The following PCCB variants were observed in gnomAD, a reference collection of about 807,000 sequenced individuals.
The protein encoded by PCCB is propionyl-CoA carboxylase subunit beta.
Under a neutral mutation model 60.7 loss-of-function variants are expected in PCCB, and 43 were observed. The ratio of observed to expected loss-of-function variants is 0.71; its 90% CI spans 0.55 to 0.91. PCCB has a LOEUF of 0.91. Ranked by LOEUF, PCCB falls within the 40% of genes least tolerant of loss-of-function variation. PCCB has a pLI of 0.00. For missense variants in PCCB, 766 were observed against 702.8 expected (o/e 1.09, Z -1.02); for synonymous variants, 276 against 255.9 (o/e 1.08, Z -0.75).
At chr3:136,251,152 G>A in intron 1 of PCCB, 1 of 451,988 alleles carries the variant, frequency 2.2e-6, no homozygotes, top group South Asian at 1.6e-5. Flanking sequence ...GTCGGAAGCA[G>A]GTGGCCTTTC....
intron 10 of PCCB, among the ~76,000 whole-genome samples, chr3:136,321,399 T>G (rs1160605921): frequency 6.6e-6 from 1 of 152,226 alleles, no homozygotes; most frequent in Non-Finnish European, 1.5e-5. Flanking sequence ...GCCTGGGTAT[T>G]CTATAAAGGA....
At position 136,267,673 on chromosome 3, in the gene PCCB, G is replaced by A. The variant is rs1942042340; in HGVS notation, c.543+5608G>A. Reference sequence around the variant, plus strand: ...CAATTTTTTTTCATTATTTGTAGAGGTGAGGGTCCCACTATGTTGCCCAGG... The same window carrying A: ...CAATTTTTTTTCATTATTTGTAGAGATGAGGGTCCCACTATGTTGCCCAGG... On this transcript the variant is annotated intron_variant, in intron 5 of 14. Coordinates refer to ENST00000251654, the MANE Select transcript of PCCB (RefSeq NM_000532.5). Among the ~76,000 whole-genome samples the A allele has an allele frequency of 2.6e-5, 4 of 152,116 alleles. No homozygotes were observed. In the South Asian group the frequency reaches 8.3e-4, roughly 31 times the overall value.
intron 10 of PCCB, among the ~76,000 whole-genome samples, chr3:136,321,854 ATAT>A (rs1272046632): frequency 1.3e-5 from 2 of 152,224 alleles, no homozygotes; most frequent in African/African-American, 4.8e-5. Context: ...CAACCTTGCT[ATAT>A]TATTAGTTCC....
At chr3:136,276,631 T>C (rs1427129887) in intron 5 of PCCB, among the ~76,000 whole-genome samples, 1 of 152,178 alleles carries the variant, frequency 6.6e-6, no homozygotes, top group Admixed American at 6.5e-5. Context: ...CACTCTGTAG[T>C]GTTCCAGGAA....
intron 9 of PCCB, among the ~76,000 whole-genome samples, chr3:136,307,734 G>C (rs989037061): frequency 6.6e-6 from 1 of 152,098 alleles, no homozygotes; most frequent in Non-Finnish European, 1.5e-5. Context: ...CCAGTACTTT[G>C]GGAGGCTGAG....
In PCCB at chr3:136,268,103, T is replaced by TAC. The variant is rs1361776081; in HGVS notation, c.543+6039_543+6040insCA. Among the ~76,000 whole-genome samples, 65 of 125,530 alleles carry TAC rather than the reference T, an allele frequency of 5.2e-4. 3 individuals carry two copies. Among genetic ancestry groups the TAC allele is most frequent in the South Asian group, 2.3e-4 (1 of 4,262 alleles). 82.4% of individuals were successfully genotyped at this position (125,530 alleles called of 152,430 possible). A position where few individuals can be genotyped will look rare whatever the true frequency, so the allele number is the denominator to read the frequency against. ...GTGTGTGTAGATATATATATATATA[T>TAC]ATATATATATATATATATGTATATA... is the stretch of plus-strand genomic sequence containing the variant. On this transcript the variant is annotated intron_variant, in intron 5 of 14. Transcript: ENST00000251654.
intron 8 of PCCB, among the ~76,000 whole-genome samples, chr3:136,299,546 GTATGCATGTGTATGTATGTA>G (rs1934120448): frequency 1.1e-5 from 1 of 88,464 alleles, no homozygotes; most frequent in Admixed American, 9.5e-5. Context: ...ATGTGTATAG[GTATGCATGTGTATGTATGTA>G]TATGCATGTG....
At chr3:136,290,124 T>C (rs982516264) in intron 6 of PCCB, among the ~76,000 whole-genome samples, 2 of 152,252 alleles carry the variant, frequency 1.3e-5, no homozygotes, top group Non-Finnish European at 2.9e-5. Flanking sequence ...ATGCTCTTTC[T>C]TTCTTTATGT....
chr3:136,290,001 A>C (rs1361978958), intron 6 of PCCB, among the ~76,000 whole-genome samples: 3 of 152,210 alleles, frequency 2.0e-5, no homozygotes, highest in Non-Finnish European at 4.4e-5. Context: ...AAGGCTGAGA[A>C]GCGATGTGCA....
intron 5 of PCCB, among the ~76,000 whole-genome samples, chr3:136,271,892 A>G (rs1454241792): frequency 1.3e-5 from 2 of 152,150 alleles, no homozygotes; most frequent in Non-Finnish European, 2.9e-5. Flanking sequence ...GACTTCCAGT[A>G]CTATGTTGAA....
chr3:136,322,222 T>C (rs1935135385), intron 10 of PCCB, among the ~76,000 whole-genome samples: 1 of 152,224 alleles, frequency 6.6e-6, no homozygotes, highest in South Asian at 2.1e-4. Context: ...TATGATCATG[T>C]GATTTTTCTT....
At chr3:136,252,921 TA>T (rs569109170) in intron 1 of PCCB, among the ~76,000 whole-genome samples, 2 of 141,152 alleles carry the variant, frequency 1.4e-5, no homozygotes, top group African/African-American at 5.2e-5. Flanking sequence ...TTTTTTTTTT[TA>T]AATGCAACCT....
intron 5 of PCCB, among the ~76,000 whole-genome samples, chr3:136,275,864 G>A (rs1942320139): frequency 6.6e-6 from 1 of 152,114 alleles, no homozygotes; most frequent in African/African-American, 2.4e-5. Context: ...TCCACTTCCC[G>A]GGTTCAAGTG....
At position 136,250,557 on chromosome 3, in the gene PCCB, G is replaced by C. The variant is rs909550005; in HGVS notation, c.182G>C (p.Arg61Pro). The change falls in exon 1 of 15, where the codon CGA (arginine) becomes CCA (proline). Residue 61 changes from arginine to proline, a missense_variant and splice_region_variant. Arg to Pro is a moderately radical substitution (Grantham distance 103). Coordinates refer to ENST00000251654, the MANE Select transcript of PCCB (RefSeq NM_000532.5). ...CGCCGTATTGACGCGCAGCACAAGC[G>C]AGTGAGTCCTGAGGGGCCTAAGTGA... ...GQRRIDAQHKRGKLTARERIS... is the reference protein window; with the variant it reads ...GQRRIDAQHKPGKLTARERIS... 1 of 1,611,500 alleles carries C rather than the reference G, an allele frequency of 6.2e-7. No individual in the cohort carries two copies. Among genetic ancestry groups the C allele is most frequent in the African/African-American group, 1.3e-5 (1 of 74,918 alleles).
intron 1 of PCCB, 59 bp from the exon 2 acceptor site, chr3:136,255,797 T>C: frequency 6.6e-7 from 1 of 1,508,558 alleles, no homozygotes; most frequent in Non-Finnish European, 9.2e-7. Context: ...GAACAGCCCT[T>C]GCTTTGCTTA....
intron 4 of PCCB, among the ~76,000 whole-genome samples, chr3:136,261,049 T>C (rs1941807939): frequency 6.6e-6 from 1 of 152,192 alleles, no homozygotes; most frequent in Non-Finnish European, 1.5e-5. Context: ...TTAGTAAAGA[T>C]AAAGATGTAA....
chr3:136,313,441 C>T (rs1333887405), intron 9 of PCCB, among the ~76,000 whole-genome samples: 2 of 152,066 alleles, frequency 1.3e-5, no homozygotes, highest in East Asian at 1.9e-4. Context: ...AAGTGATTCC[C>T]AGGACATATT....
At chr3:136,294,641 C>T (rs1321162634) in intron 7 of PCCB, among the ~76,000 whole-genome samples, 1 of 143,672 alleles carries the variant, frequency 7.0e-6, no homozygotes, top group Non-Finnish European at 1.5e-5. Flanking sequence ...GATAGGGTCT[C>T]ATGCTATTGC....
chr3:136,299,174 T>C (rs545639694), intron 8 of PCCB, among the ~76,000 whole-genome samples: 1 of 152,146 alleles, frequency 6.6e-6, no homozygotes, highest in African/African-American at 2.4e-5. Context: ...CTTCTGCATA[T>C]GATTCCAAGG....
Sources: gnomAD v4.1 joint callset for allele counts (sites outside exome capture counted in the v4.1 genomes callset) on GRCh38, gnomAD v4.1.1 for gene constraint, MANE v1.5 for transcripts, NCBI Gene and HGNC (gene_info 2026-07-23, HGNC 2026-07-21) for gene names.